CCDC141: variants seen among roughly 807,000 people sequenced by gnomAD.
CCDC141 encodes coiled-coil domain containing 141, also known as coiled-coil domain-containing protein 141.
In CCDC141, 168 loss-of-function variants were observed where a neutral mutation model predicts 181.0. That is an observed-to-expected ratio of 0.93 (90% CI 0.82 to 1.05). The LOEUF is 1.05. CCDC141 is among the 50% of genes least tolerant of loss of function. The pLI is 0.00. For missense variants in CCDC141, 1,902 were observed against 1,788.5 expected (o/e 1.06, Z -1.14); for synonymous variants, 666 against 642.3 (o/e 1.04, Z -0.56).
rs547276523 is a variant in CCDC141, at chr2:178,908,211, T to G, written c.1093-2710A>C. Among the ~76,000 whole-genome samples, 15 of 152,302 alleles carry G rather than the reference T, an allele frequency of 9.8e-5. No homozygotes were observed. In the South Asian group the frequency reaches 3.1e-3, roughly 32 times the overall value. ...TTAGGTTTTTTGTTTTGTTTTGTTT[T>G]CTGAGACAGAGTCTCGCTCTGCCGC... On this transcript the variant is annotated intron_variant, in intron 7 of 23. Transcript: ENST00000443758.
rs1183164486 is a variant in CCDC141 at position 178,830,178 on chromosome 2, T to A, written c.*3995A>T. Reference sequence around the variant, plus strand: ...TACCGGATGATGATTTATGCCTAAGTACATATGTTTTAAAATGTTGGAACA... The same window carrying A: ...TACCGGATGATGATTTATGCCTAAGAACATATGTTTTAAAATGTTGGAACA... On this transcript the variant is annotated 3_prime_UTR_variant, in exon 24 of 24. Coordinates refer to ENST00000443758, the MANE Select transcript of CCDC141 (RefSeq NM_173648.4). The A allele has an allele frequency of 1.3e-5, 2 of 152,260 alleles. No individual in the cohort carries two copies. The highest frequency in any genetic ancestry group is 4.8e-5 in the African/African-American group (2 of 41,472). 9.4% of individuals were successfully genotyped at this position (152,260 alleles called of 1,614,324 possible).
chr2:178,894,242 C>T (rs984969637), intron 8 of CCDC141, among the ~76,000 whole-genome samples: 1 of 152,118 alleles, frequency 6.6e-6, no homozygotes, highest in African/African-American at 2.4e-5. Context: ...CATTTTGATG[C>T]TGGACTGAAG....
chr2:178,889,174 A>G (rs1687027528), intron 8 of CCDC141, among the ~76,000 whole-genome samples: 1 of 151,084 alleles, frequency 6.6e-6, no homozygotes. Flanking sequence ...AAACCAAGTT[A>G]TCACCAACAA....
At chr2:179,015,286 C>CATATATCTCATCTGTATCAT (rs376208411) in intron 2 of CCDC141, among the ~76,000 whole-genome samples, 1 of 120,862 alleles carries the variant, frequency 8.3e-6, no homozygotes, top group Non-Finnish European at 1.7e-5. Context: ...ATCTATCTCT[C>CATATATCTCATCTGTATCAT]ATATATCTCA....
At chr2:178,983,762 A>G (rs950077511) in intron 2 of CCDC141, among the ~76,000 whole-genome samples, 1 of 151,952 alleles carries the variant, frequency 6.6e-6, no homozygotes, top group African/African-American at 2.4e-5. Flanking sequence ...GAAAGTTTAG[A>G]GAAAAAAGAA....
intron 22 of CCDC141, among the ~76,000 whole-genome samples, chr2:178,844,855 C>A (rs1335887414): frequency 6.6e-6 from 1 of 152,192 alleles, no homozygotes; most frequent in Non-Finnish European, 1.5e-5. Flanking sequence ...TTCAGCTCCT[C>A]AGGAGAGAAA....
At chr2:179,002,259 C>A in intron 2 of CCDC141, 1 of 245,566 alleles carries the variant, frequency 4.1e-6, no homozygotes, top group Admixed American at 5.0e-5. Context: ...TGTCTTGGCC[C>A]ATGACCATGT....
At chr2:178,981,873 A>G (rs762071908) in intron 2 of CCDC141, among the ~76,000 whole-genome samples, 1 of 151,404 alleles carries the variant, frequency 6.6e-6, no homozygotes, top group Non-Finnish European at 1.5e-5. Context: ...GAAAAGATCA[A>G]TAAAATTGAT....
At chr2:179,013,974 AAAAAAAAAAAAAAG>A (rs2042350847) in intron 2 of CCDC141, among the ~76,000 whole-genome samples, 1 of 149,976 alleles carries the variant, frequency 6.7e-6, no homozygotes, top group African/African-American at 2.4e-5. Flanking sequence ...AAAAAAAAAA[AAAAAAAAAAAAAAG>A]GACAAATCTA....
At chr2:178,924,709 C>T (rs983584042) in intron 6 of CCDC141, among the ~76,000 whole-genome samples, 5 of 152,270 alleles carry the variant, frequency 3.3e-5, no homozygotes, top group South Asian at 2.1e-4. Context: ...AGTGTCTACA[C>T]GCCATTTAAA....
At chr2:178,890,387 A>G (rs982374683) in intron 8 of CCDC141, among the ~76,000 whole-genome samples, 1 of 152,180 alleles carries the variant, frequency 6.6e-6, no homozygotes, top group African/African-American at 2.4e-5. Flanking sequence ...CCTGACCCCA[A>G]GAAGCTGTAG....
the CCDC141 span, chr2:178,817,829 G>T: frequency 8.3e-6 from 2 of 241,992 alleles, no homozygotes; most frequent in Non-Finnish European, 1.4e-5. Context: ...TTTCAATGGA[G>T]TCTCATTCTG....
In CCDC141 at chr2:179,041,164, T is replaced by G. The variant is rs181628069; in HGVS notation, c.225+6120A>C. ...TCGGCTCACTGCAAGCTCCGCCTCC[T>G]GGGTTCACGCCATTTTCCTGCCTCC... On this transcript the variant is annotated intron_variant, in intron 2 of 23. Coordinates refer to ENST00000443758, the MANE Select transcript of CCDC141 (RefSeq NM_173648.4). Among the ~76,000 whole-genome samples the G allele has an allele frequency of 2.5e-3, 375 of 152,174 alleles. 3 individuals are homozygous for G. The highest frequency in any genetic ancestry group is 0.025 in the East Asian group (127 of 5,182).
chr2:178,917,915 CT>C (rs1688522608), intron 7 of CCDC141, among the ~76,000 whole-genome samples: 2 of 152,204 alleles, frequency 1.3e-5, no homozygotes, highest in African/African-American at 4.8e-5. Flanking sequence ...AGCCTTACGG[CT>C]TGTGTGCAAA....
rs1356026769 is a variant in CCDC141, at chr2:178,961,441, T to C, written c.569A>G (p.Gln190Arg). The change falls in exon 5 of 24, where the codon CAA (glutamine) becomes CGA (arginine). Residue 190 changes from glutamine (Q) to arginine (R), a missense_variant. Coordinates refer to ENST00000443758, the MANE Select transcript of CCDC141 (RefSeq NM_173648.4). ...RSLALLNKSQQLTDFIEKFKC... is the reference protein window; with the variant it reads ...RSLALLNKSQRLTDFIEKFKC... ...GAATTTTTCTATGAAGTCAGTGAGT[T>C]GTTGACTTTTGTTTAAAAGGGCTAA... is the stretch of plus-strand genomic sequence containing the variant. 1 of 1,550,248 alleles carries C rather than the reference T, an allele frequency of 6.5e-7. No homozygotes were observed. Among genetic ancestry groups the C allele is most frequent in the African/African-American group, 1.4e-5 (1 of 73,030 alleles).
chr2:178,821,492 A>AC, the CCDC141 span, among the ~76,000 whole-genome samples: 1 of 152,114 alleles, frequency 6.6e-6, no homozygotes, highest in East Asian at 1.9e-4. Flanking sequence ...TGTGTTTAAT[A>AC]CCCCTTAGAG....
intron 17 of CCDC141, among the ~76,000 whole-genome samples, chr2:178,864,391 C>T (rs1270689653): frequency 1.3e-5 from 2 of 152,154 alleles, no homozygotes; most frequent in Non-Finnish European, 2.9e-5. Flanking sequence ...ATGTGATTGA[C>T]GTGTAAGCAG....
chr2:178,974,463 T>C (rs1365883032), intron 4 of CCDC141, among the ~76,000 whole-genome samples: 1 of 152,212 alleles, frequency 6.6e-6, no homozygotes, highest in Non-Finnish European at 1.5e-5. Flanking sequence ...CCACACCAAA[T>C]TCTTGTAGAA....
chr2:179,020,582 C>G (rs1002558988), intron 2 of CCDC141, among the ~76,000 whole-genome samples: 2 of 152,126 alleles, frequency 1.3e-5, no homozygotes, highest in Non-Finnish European at 2.9e-5. Context: ...AGATTTTAAT[C>G]AGAGTGTGAG....
Sources: gnomAD v4.1 joint callset for allele counts (sites outside exome capture counted in the v4.1 genomes callset) on GRCh38, gnomAD v4.1.1 for gene constraint, MANE v1.5 for transcripts, NCBI Gene and HGNC (gene_info 2026-07-23, HGNC 2026-07-21) for gene names.